ARAP2: variants seen among roughly 807,000 people sequenced by gnomAD.
ARAP2 encodes arf-GAP with Rho-GAP domain, ANK repeat and PH domain-containing protein 2.
A neutral mutation model predicts 194.5 loss-of-function variants in ARAP2; 148 were observed. The ratio of observed to expected loss-of-function variants is 0.76; its 90% CI spans 0.67 to 0.87. The LOEUF is 0.87. Among genes scored for constraint, ARAP2 ranks in the 40% least tolerant of loss-of-function variants. The pLI is 0.00. For synonymous variants in ARAP2, 695 were observed against 683.5 expected, an observed-to-expected ratio of 1.02 and a Z score of -0.26; for missense variants, 2,128 against 1,989.7, an observed-to-expected ratio of 1.07 and a Z score of -1.32.
chr4:36,191,278 C>T (rs1212136922), intron 7 of ARAP2, among the ~76,000 whole-genome samples: 3 of 152,020 alleles, frequency 2.0e-5, no homozygotes, highest in African/African-American at 4.8e-5. Flanking sequence ...TCAAGTAGCA[C>T]TGTACTGAAA....
chr4:36,216,574 T>C lies in ARAP2; in HGVS notation c.906-2094A>G, dbSNP rs147418030. Among the ~76,000 whole-genome samples the C allele has an allele frequency of 4.8e-3, 725 of 152,130 alleles. 27 individuals are homozygous for C. The highest frequency in any genetic ancestry group is 0.037 in the Admixed American group (562 of 15,278). On this transcript the variant is annotated intron_variant, in intron 2 of 32. Coordinates refer to ENST00000303965, the MANE Select transcript of ARAP2 (RefSeq NM_015230.4). ...GCTATTAACAATCCTACCAAAAATA[T>C]TGAAAACAGATGTTCACAGAAAGAC...
At chr4:36,026,187 TCAGA>T (rs1292199903) in intron 5 of ARAP2, among the ~76,000 whole-genome samples, 1 of 152,212 alleles carries the variant, frequency 6.6e-6, no homozygotes, top group African/African-American at 2.4e-5. Flanking sequence ...TAATGAATTC[TCAGA>T]CACTTTGACT....
chr4:36,086,246 A>G (rs1166726324), intron 28 of ARAP2, among the ~76,000 whole-genome samples: 1 of 152,112 alleles, frequency 6.6e-6, no homozygotes, highest in Non-Finnish European at 1.5e-5. Context: ...GAGAAGCACT[A>G]TGCCTGAACC....
In ARAP2 at chr4:36,151,062, A is replaced by C; in HGVS notation, c.2753-18T>G. The C allele has an allele frequency of 6.3e-6, 10 of 1,575,980 alleles. No homozygotes were observed. Among genetic ancestry groups the C allele is most frequent in the Non-Finnish European group, 8.6e-6 (10 of 1,166,408 alleles). ...ATTTGTCTCTAAGAATTTGAAACAA[A>C]ACAAATAACAAATTGAGCTAATCAC... is the stretch of plus-strand genomic sequence containing the variant. On this transcript the variant is annotated intron_variant, in intron 15 of 32. Coordinates refer to ENST00000303965, the MANE Select transcript of ARAP2 (RefSeq NM_015230.4).
chr4:36,068,152 G>T lies in ARAP2; in HGVS notation c.4870C>A (p.Arg1624=). The change falls in exon 33 of 33, where the codon CGA becomes AGA. Residue 1624 remains arginine (R), a synonymous_variant. Transcript: ENST00000303965. ...HCLEHKDDKL[R]NRPRKHRSFN... ...CTCCGATGTTTTCGGGGTCGATTTC[G>T]AAGTTTATCGTCCTTGTGCTCCAGG... The T allele has an allele frequency of 6.2e-7, 1 of 1,613,812 alleles. No individual in the cohort carries two copies. The highest frequency in any genetic ancestry group is 8.5e-7 in the Non-Finnish European group (1 of 1,179,778).
At chr4:36,202,422 A>C (rs954790948) in intron 6 of ARAP2, among the ~76,000 whole-genome samples, 2 of 152,114 alleles carry the variant, frequency 1.3e-5, no homozygotes, top group Non-Finnish European at 2.9e-5. Flanking sequence ...GGGCCAAAAA[A>C]CGAAAATAAA....
At chr4:36,120,424 C>G (rs993123544) in intron 23 of ARAP2, among the ~76,000 whole-genome samples, 1 of 151,462 alleles carries the variant, frequency 6.6e-6, no homozygotes, top group African/African-American at 2.4e-5. Context: ...CAATGGTAAC[C>G]AATTACACTA....
intron 28 of ARAP2, among the ~76,000 whole-genome samples, chr4:36,086,280 C>T (rs1430709801): frequency 6.6e-6 from 1 of 152,038 alleles, no homozygotes; most frequent in African/African-American, 2.4e-5. Context: ...TTACACAGGA[C>T]ATTGATGATT....
At chr4:36,149,750 T>C (rs1730503472) in intron 16 of ARAP2, among the ~76,000 whole-genome samples, 1 of 152,090 alleles carries the variant, frequency 6.6e-6, no homozygotes, top group Admixed American at 6.6e-5. Context: ...CAAAAACAAG[T>C]CAATTAATAA....
At chr4:36,014,871 G>T (rs1050815019) in intron 8 of ARAP2, among the ~76,000 whole-genome samples, 10 of 152,102 alleles carry the variant, frequency 6.6e-5, no homozygotes, top group African/African-American at 1.9e-4. Context: ...CTCTCCCTGT[G>T]TGAAAGATTT....
chr4:36,129,115 C>T (rs2109589368), intron 20 of ARAP2, among the ~76,000 whole-genome samples: 1 of 152,112 alleles, frequency 6.6e-6, no homozygotes, highest in East Asian at 1.9e-4. Context: ...GTATAAATGT[C>T]ATCAACCACC....
At chr4:36,108,670 G>A (rs1719062517) in intron 26 of ARAP2, among the ~76,000 whole-genome samples, 1 of 151,926 alleles carries the variant, frequency 6.6e-6, no homozygotes, top group Non-Finnish European at 1.5e-5. Context: ...TATATTCTTA[G>A]CATAGAGTTA....
chr4:36,022,971 T>A (rs926372203), intron 5 of ARAP2, among the ~76,000 whole-genome samples: 6 of 152,192 alleles, frequency 3.9e-5, no homozygotes, highest in African/African-American at 1.4e-4. Context: ...GAGATAGGCA[T>A]CCTTTCTCTG....
intron 25 of ARAP2, among the ~76,000 whole-genome samples, chr4:36,116,577 C>G (rs1268050248): frequency 1.3e-5 from 2 of 151,782 alleles, no homozygotes; most frequent in African/African-American, 2.4e-5. Flanking sequence ...GTATAGAAAA[C>G]AAGGGTGAGA....
intron 19 of ARAP2, among the ~76,000 whole-genome samples, chr4:36,147,049 G>A (rs892551690): frequency 5.9e-5 from 9 of 151,824 alleles, no homozygotes; most frequent in African/African-American, 2.2e-4. Flanking sequence ...GAGGAATCTA[G>A]GTCTATAGAA....
intron 3 of ARAP2, among the ~76,000 whole-genome samples, chr4:36,051,348 G>A (rs1463077923): frequency 1.1e-4 from 16 of 152,102 alleles, no homozygotes; most frequent in African/African-American, 3.6e-4. Context: ...GAGTGGTGGC[G>A]GGCGCCTGTT....
chr4:36,231,779 T>C (rs1751518505), intron 1 of ARAP2, among the ~76,000 whole-genome samples: 1 of 152,148 alleles, frequency 6.6e-6, no homozygotes, highest in African/African-American at 2.4e-5. Flanking sequence ...TCCACCTTTG[T>C]ATTATCCACC....
At chr4:36,206,513 A>G (rs1392303603) in intron 6 of ARAP2, among the ~76,000 whole-genome samples, 1 of 152,148 alleles carries the variant, frequency 6.6e-6, no homozygotes. Context: ...CATTTTACCT[A>G]AAAATGCCAG....
intron 7 of ARAP2, among the ~76,000 whole-genome samples, chr4:36,188,065 A>G (rs1560622240): frequency 6.6e-6 from 1 of 152,206 alleles, no homozygotes; most frequent in Non-Finnish European, 1.5e-5. Flanking sequence ...GAGCATCTCA[A>G]CCTCAAACTG....
Sources: gnomAD v4.1 joint callset for allele counts (sites outside exome capture counted in the v4.1 genomes callset) on GRCh38, gnomAD v4.1.1 for gene constraint, MANE v1.5 for transcripts, NCBI Gene and HGNC (gene_info 2026-07-23, HGNC 2026-07-21) for gene names.